The following PLAGL1 variants were observed in gnomAD, a reference collection of about 807,000 sequenced individuals.
PLAGL1 encodes PLAG1 like zinc finger 1, also known as zinc finger protein PLAGL1.
In PLAGL1, 1 loss-of-function variant was observed where a neutral mutation model predicts 4.6. The observed-to-expected ratio is 0.22, with a 90% CI of 0.08 to 1.03. The LOEUF is 1.03. PLAGL1 is among the 50% of genes least tolerant of loss of function. The probability of loss-of-function intolerance (pLI) is 0.58; values close to 1 mark genes in which losing one functional copy is unlikely to be tolerated. For missense variants in PLAGL1, 464 were observed against 570.4 expected (o/e 0.81, Z 1.90); for synonymous variants, 240 against 237.8 (o/e 1.01, Z -0.08).
intron 1 of PLAGL1, among the ~76,000 whole-genome samples, chr6:143,991,670 G>A (rs1161072715): frequency 6.6e-6 from 1 of 151,262 alleles, no homozygotes; most frequent in Non-Finnish European, 1.5e-5. Context: ...GGCCTAAGGG[G>A]AAGGTGCCCA....
In PLAGL1 at chr6:143,941,419, A is replaced by G. The variant is rs749905224; in HGVS notation, c.*5T>C. The G allele has an allele frequency of 2.7e-6, 4 of 1,494,838 alleles. No homozygotes were observed. The highest frequency in any genetic ancestry group is 3.6e-6 in the Non-Finnish European group (4 of 1,121,936). 92.6% of individuals were successfully genotyped at this position (1,494,838 alleles called of 1,614,324 possible). ...AGAATACGAAAAATACACTTTAAAA[A>G]TCAATTATCTGAATGCATGATGGAA... is the stretch of plus-strand genomic sequence containing the variant. On this transcript the variant is annotated 3_prime_UTR_variant, in exon 8 of 8. Transcript: ENST00000674357. This position sits in a 1 kb window ranked among gnomAD's most constrained non-coding sequence, Gnocchi z 6.0.
rs181257050 is a variant in PLAGL1, at chr6:144,027,745, G to A, written c.-151+36723C>T. On this transcript the variant is annotated intron_variant, in intron 1 of 3. Transcript: ENST00000437412. The surrounding 1 kb of genome is among the most constrained non-coding windows in gnomAD (Gnocchi z 5.8). ...AAGTCTCTTTAGTGGGAAACACTTC[G>A]CTCTGTCAGGGAAATGTTAATCATA... Among the ~76,000 whole-genome samples the A allele has an allele frequency of 6.6e-4, 101 of 151,992 alleles. No homozygotes were observed. The highest frequency in any genetic ancestry group is 1.1e-3 in the Non-Finnish European group (76 of 67,994).
chr6:144,043,725 T>G (rs1477301351), intron 1 of PLAGL1, among the ~76,000 whole-genome samples: 1 of 152,218 alleles, frequency 6.6e-6, no homozygotes, highest in African/African-American at 2.4e-5. Flanking sequence ...TCTTTTTCTA[T>G]TGATTGGAAT....
At chr6:144,020,446 C>T (rs981070913) in intron 1 of PLAGL1, among the ~76,000 whole-genome samples, 1 of 151,934 alleles carries the variant, frequency 6.6e-6, no homozygotes, top group Non-Finnish European at 1.5e-5. Flanking sequence ...GGTCACCACA[C>T]CCAGTTAATT....
chr6:143,995,084 A>AT lies in PLAGL1; in HGVS notation c.-583-9911dup, dbSNP rs2128640381. ...CTGTATTACTTATTAACTGTCTGAT[A>AT]TTGGGAAAGGCTTCATTCTTTCTCA... On this transcript the variant is annotated intron_variant, in intron 1 of 7. Coordinates refer to ENST00000674357, the MANE Select transcript of PLAGL1 (RefSeq NM_001317162.2). The surrounding 1 kb of genome is among the most constrained non-coding windows in gnomAD (Gnocchi z 4.4). Among the ~76,000 whole-genome samples, 1 of 152,310 alleles carries AT rather than the reference A, an allele frequency of 6.6e-6. No individual in the cohort carries two copies. The highest frequency in any genetic ancestry group is 6.5e-5 in the Admixed American group (1 of 15,302).
chr6:144,012,859 A>C (rs1795284806), upstream of PLAGL1, among the ~76,000 whole-genome samples: 1 of 152,226 alleles, frequency 6.6e-6, no homozygotes, highest in Non-Finnish European at 1.5e-5. The surrounding 1 kb of genome is among the most constrained non-coding windows in gnomAD (Gnocchi z 4.8). Context: ...TGGTAAAGTG[A>C]AAAGGACATT....
intron 1 of PLAGL1, among the ~76,000 whole-genome samples, chr6:144,026,716 A>G (rs1376470533): frequency 1.3e-5 from 2 of 152,210 alleles, no homozygotes. Flanking sequence ...CAATCTCTAG[A>G]TTACATTCAC....
rs570338074 is a variant in PLAGL1, at chr6:143,990,153, G to A, written c.-583-4979C>T. ...TTTTTCTTTTTTGAGATGGAGTCTCGCTCTGTTGCCAGACTGGAGTGCAGT... is the reference window on the plus strand; with the variant it reads ...TTTTTCTTTTTTGAGATGGAGTCTCACTCTGTTGCCAGACTGGAGTGCAGT... On this transcript the variant is annotated intron_variant, in intron 1 of 7. Transcript: ENST00000674357. This position sits in a 1 kb window ranked among gnomAD's most constrained non-coding sequence, Gnocchi z 5.4. Among the ~76,000 whole-genome samples the A allele has an allele frequency of 1.5e-3, 231 of 149,116 alleles. No homozygotes were observed. Among genetic ancestry groups the A allele is most frequent in the African/African-American group, 5.3e-3 (214 of 40,416 alleles).
intron 1 of PLAGL1, among the ~76,000 whole-genome samples, chr6:144,049,690 C>T (rs1300689511): frequency 6.6e-6 from 1 of 152,176 alleles, no homozygotes; most frequent in Non-Finnish European, 1.5e-5. Context: ...CACCAGGTCT[C>T]TCCCTAGACA....
chr6:144,007,081 ACGT>A (rs1299778320), intron 1 of PLAGL1: 2 of 152,218 alleles, frequency 1.3e-5, no homozygotes. Flanking sequence ...CGGACATCGG[ACGT>A]CGTCAACTTT....
rs1327812742 is a variant in PLAGL1, at chr6:144,000,253, C to T, written c.-584+7837G>A. The stretch of plus-strand genomic sequence containing the variant: ...ATCAGTACCACTATTCTTCATTGTA[C>T]TGGTTGTCCTAGCCAGTGAAATTAG... On this transcript the variant is annotated intron_variant, in intron 1 of 7. Coordinates refer to ENST00000674357, the MANE Select transcript of PLAGL1 (RefSeq NM_001317162.2). The surrounding 1 kb of genome is among the most constrained non-coding windows in gnomAD (Gnocchi z 4.1). 2.0e-5 allele frequency among the ~76,000 whole-genome samples: 3 copies of T among 152,012 alleles called. No individual in the cohort carries two copies. The highest frequency in any genetic ancestry group is 7.2e-5 in the African/African-American group (3 of 41,382).
In PLAGL1 at chr6:144,022,782, C is replaced by T. The variant is rs775611960; in HGVS notation, c.-151+41686G>A. On this transcript the variant is annotated intron_variant, in intron 1 of 3. Transcript: ENST00000437412. The surrounding 1 kb of genome is among the most constrained non-coding windows in gnomAD (Gnocchi z 4.2). Reference sequence around the variant, plus strand: ...CATGTGGAACTGTGAGTCAATTAAACCTCTTTCCTTTATAAATTATGCAGT... The same window carrying T: ...CATGTGGAACTGTGAGTCAATTAAATCTCTTTCCTTTATAAATTATGCAGT... Among the ~76,000 whole-genome samples the T allele has an allele frequency of 5.9e-5, 9 of 152,178 alleles. No homozygotes were observed. Among genetic ancestry groups the T allele is most frequent in the Non-Finnish European group, 1.3e-4 (9 of 68,036 alleles).
chr6:143,966,490 C>T lies in PLAGL1; in HGVS notation c.-471-292G>A, dbSNP rs912995045. On this transcript the variant is annotated intron_variant, in intron 3 of 7. Transcript: ENST00000674357. The surrounding 1 kb of genome is among the most constrained non-coding windows in gnomAD (Gnocchi z 6.0). ...CTAAATCTTCCCTGACTCAGCACAA[C>T]ATCTTTGTGCACTCTGATTTGAATA... 6.6e-6 allele frequency: 1 copy of T among 152,202 alleles called. No individual in the cohort carries two copies. Among genetic ancestry groups the T allele is most frequent in the Non-Finnish European group, 1.5e-5 (1 of 68,040 alleles). The allele number at this position is 152,202 out of a possible 1,614,324, so 9.4% of individuals were successfully genotyped here.
chr6:144,026,172 C>A (rs1322546307), intron 1 of PLAGL1, among the ~76,000 whole-genome samples: 1 of 152,024 alleles, frequency 6.6e-6, no homozygotes, highest in Non-Finnish European at 1.5e-5. Context: ...TAGGTTGTTT[C>A]GTGTATGTGT....
intron 1 of PLAGL1, among the ~76,000 whole-genome samples, chr6:144,047,520 A>G (rs757682090): frequency 1.3e-5 from 2 of 152,220 alleles, no homozygotes; most frequent in Non-Finnish European, 2.9e-5. Flanking sequence ...GAAACTTACA[A>G]TCATGGCAGA....
intron 1 of PLAGL1, among the ~76,000 whole-genome samples, chr6:143,992,999 AACAC>A (rs918767522): frequency 2.0e-5 from 3 of 149,432 alleles, no homozygotes; most frequent in African/African-American, 7.4e-5. Context: ...CAAACAAACA[AACAC>A]ACACACAGAA....
chr6:144,030,254 CAAAAAAAAAAAAAA>C (rs66563676), intron 1 of PLAGL1, among the ~76,000 whole-genome samples: 1 of 44,560 alleles, frequency 2.2e-5, no homozygotes, highest in Non-Finnish European at 3.9e-5. Context: ...GACTCCGTCT[CAAAAAAAAAAAAAA>C]AAAAAAAAAA....
At chr6:144,040,207 A>G in intron 1 of PLAGL1, among the ~76,000 whole-genome samples, 1 of 152,228 alleles carries the variant, frequency 6.6e-6, no homozygotes, top group Non-Finnish European at 1.5e-5. Flanking sequence ...TATTTTAGTA[A>G]TGTTTTAGCT....
intron 1 of PLAGL1, among the ~76,000 whole-genome samples, chr6:144,021,642 T>C (rs1795984422): frequency 1.3e-5 from 2 of 152,220 alleles, no homozygotes; most frequent in Non-Finnish European, 2.9e-5. Flanking sequence ...GATATCCATT[T>C]GATTTTTCTC....
Sources: allele counts gnomAD v4.1 joint callset (sites outside exome capture counted in the v4.1 genomes callset), GRCh38; gene constraint gnomAD v4.1.1; non-coding constraint Gnocchi (gnomAD v3.1); transcripts MANE v1.5; gene names NCBI Gene and HGNC (gene_info 2026-07-23, HGNC 2026-07-21).